Variants in ZMYND11 observed in about 807,000 individuals in gnomAD.
ZMYND11 encodes the protein zinc finger MYND domain-containing protein 11.
A neutral mutation model predicts 84.9 loss-of-function variants in ZMYND11; 9 were observed. The observed-to-expected ratio is 0.11, with a 90% confidence interval of 0.06 to 0.18. The LOEUF is 0.18. ZMYND11 is among the 10% of genes least tolerant of loss of function. The pLI is 1.00. For synonymous variants in ZMYND11, 250 were observed against 244.1 expected (o/e 1.02, Z -0.23); for missense variants, 409 against 761.0 (o/e 0.54, Z 5.44).
Position 187,550 on chromosome 10 carries a change from G to C in ZMYND11, c.116+7422G>C, listed in dbSNP as rs548047216. Among the ~76,000 whole-genome samples, 11 of 152,072 alleles carry C rather than the reference G, an allele frequency of 7.2e-5. No homozygotes were observed. In the East Asian group the frequency reaches 7.8e-4, roughly 11 times the overall value. On this transcript the variant is annotated intron_variant, in intron 2 of 14. Coordinates refer to ENST00000381604, the MANE Select transcript of ZMYND11 (RefSeq NM_001370100.5). ...TCGGGAGGCTGAGGCAGGAGAATGG[G>C]GTGAACCCGGGAGGCGGAGCTTGCA...
upstream of ZMYND11, among the ~76,000 whole-genome samples, chr10:133,035 C>T (rs1835356537): frequency 6.6e-6 from 1 of 152,168 alleles, no homozygotes; most frequent in Non-Finnish European, 1.5e-5. Flanking sequence ...CCTTTGGTCC[C>T]CAGACCCACA....
At chr10:158,984 GTTTTTTGTTT>G (rs1358321595) in intron 1 of ZMYND11, among the ~76,000 whole-genome samples, 2 of 40,024 alleles carry the variant, frequency 5.0e-5, no homozygotes, top group East Asian at 2.0e-3. Flanking sequence ...AGGGTTTTTT[GTTTTTTGTTT>G]TTTTTTTTTT....
chr10:229,626 C>A (rs1448268334), intron 4 of ZMYND11, among the ~76,000 whole-genome samples: 2 of 152,036 alleles, frequency 1.3e-5, no homozygotes, highest in Non-Finnish European at 2.9e-5. Context: ...TTCTTCAGGT[C>A]TAATAGGTAG....
At chr10:190,006 A>T (rs914781265) in intron 2 of ZMYND11, among the ~76,000 whole-genome samples, 10 of 152,214 alleles carry the variant, frequency 6.6e-5, no homozygotes, top group Non-Finnish European at 1.0e-4. Flanking sequence ...AAAGTGGATA[A>T]AAAGGCAGAA....
intron 2 of ZMYND11, chr10:197,922 C>A: frequency 3.3e-6 from 2 of 610,968 alleles, no homozygotes; most frequent in Admixed American, 2.8e-5. Flanking sequence ...TGTGAAACAA[C>A]TACATTATTC....
chr10:158,984 G>GTTCTTTTT (rs1842333816), intron 1 of ZMYND11, among the ~76,000 whole-genome samples: 1 of 40,024 alleles, frequency 2.5e-5, no homozygotes, highest in Non-Finnish European at 5.2e-5. Flanking sequence ...AGGGTTTTTT[G>GTTCTTTTT]TTTTTTGTTT....
chr10:252,692 T>G lies in ZMYND11; in HGVS notation c.*222T>G, dbSNP rs900609508. On this transcript the variant is annotated 3_prime_UTR_variant, in exon 15 of 15. Coordinates refer to ENST00000381604, the MANE Select transcript of ZMYND11 (RefSeq NM_001370100.5). This position sits in a 1 kb window ranked among gnomAD's most constrained non-coding sequence, Gnocchi z 4.6. ...CATCAGTGGAGGGTATTATTTTAAA[T>G]AAATTTTAATTGAGAATTTGTTGCA... The G allele has an allele frequency of 5.1e-6, 2 of 391,218 alleles. No homozygotes were observed. The highest frequency in any genetic ancestry group is 4.2e-5 in the African/African-American group (2 of 48,014). 24.2% of individuals were successfully genotyped at this position (391,218 alleles called of 1,614,324 possible).
At chr10:247,687 T>C (rs913180724) in intron 12 of ZMYND11, among the ~76,000 whole-genome samples, 1 of 152,204 alleles carries the variant, frequency 6.6e-6, no homozygotes, top group African/African-American at 2.4e-5. Context: ...CAAGTCTCCA[T>C]CTTAATTAAG....
intron 1 of ZMYND11, among the ~76,000 whole-genome samples, chr10:138,113 T>G (rs931393821): frequency 6.0e-5 from 9 of 150,518 alleles, no homozygotes; most frequent in Non-Finnish European, 7.4e-5. Flanking sequence ...TGTTGGCGTT[T>G]TTTTTTTTTT....
intron 2 of ZMYND11, among the ~76,000 whole-genome samples, chr10:191,171 A>G (rs935049197): frequency 6.6e-6 from 1 of 152,308 alleles, no homozygotes; most frequent in South Asian, 2.1e-4. Context: ...TTTTCACAAC[A>G]ACTGTGTGAG....
In ZMYND11 at chr10:205,008, C is replaced by G. The variant is rs577986273; in HGVS notation, c.117-4881C>G. Among the ~76,000 whole-genome samples, 8 of 151,980 alleles carry G rather than the reference C, an allele frequency of 5.3e-5. No individual in the cohort carries two copies. In the South Asian group the frequency reaches 1.5e-3, roughly 28 times the overall value. ...TTTTCTTACCATTACATGCTAGATT[C>G]CTTGCTTTCCTATGATTGTGCACTG... On this transcript the variant is annotated intron_variant, in intron 2 of 14. Coordinates refer to ENST00000381604, the MANE Select transcript of ZMYND11 (RefSeq NM_001370100.5).
At position 254,386 on chromosome 10, in the gene ZMYND11, T is replaced by C. The variant is rs1252123369; in HGVS notation, c.*1916T>C. The C allele has an allele frequency of 6.6e-6, 1 of 152,588 alleles. No homozygotes were observed. The highest frequency in any genetic ancestry group is 2.4e-5 in the African/African-American group (1 of 41,424). The allele number at this position is 152,588 out of a possible 1,614,324, so 9.5% of individuals were successfully genotyped here. A position where few individuals can be genotyped will look rare whatever the true frequency, so the allele number is the denominator to read the frequency against. Reference sequence around the variant, plus strand: ...AAAAAAACAAAATTAAAAAAAGAGATTGTGGCCTGGTTTTGTAAAAGTTTT... The same window carrying C: ...AAAAAAACAAAATTAAAAAAAGAGACTGTGGCCTGGTTTTGTAAAAGTTTT... On this transcript the variant is annotated 3_prime_UTR_variant, in exon 15 of 15. Coordinates refer to ENST00000381604, the MANE Select transcript of ZMYND11 (RefSeq NM_001370100.5).
intron 1 of ZMYND11, among the ~76,000 whole-genome samples, chr10:161,559 G>A (rs76608020): frequency 0.032 from 4,927 of 152,274 alleles, 107 homozygotes; most frequent in Middle Eastern, 0.058. Context: ...TCCAATATGA[G>A]ACTATTTTGT....
chr10:134,059 G>T (rs1835413048), upstream of ZMYND11, among the ~76,000 whole-genome samples: 1 of 152,084 alleles, frequency 6.6e-6, no homozygotes. Context: ...GTGGGGACAC[G>T]TGCCAAGACG....
intron 11 of ZMYND11, 121 bp downstream of exon 11, chr10:247,094 T>TAAAGTGCTCTGC (rs893459718): frequency 9.1e-7 from 1 of 1,094,730 alleles, no homozygotes; most frequent in African/African-American, 1.6e-5. Flanking sequence ...TTTACATTTG[T>TAAAGTGCTCTGC]AAAGTGCTCT....
chr10:166,650 A>G (rs1844087752), intron 1 of ZMYND11, among the ~76,000 whole-genome samples: 1 of 152,144 alleles, frequency 6.6e-6, no homozygotes, highest in African/African-American at 2.4e-5. Flanking sequence ...TTGGGATTGT[A>G]AAATGGTGCA....
At chr10:187,829 C>G (rs1406987263) in intron 2 of ZMYND11, among the ~76,000 whole-genome samples, 2 of 152,174 alleles carry the variant, frequency 1.3e-5, no homozygotes, top group Admixed American at 1.3e-4. Flanking sequence ...ATATGAAATT[C>G]TATGGATGAC....
chr10:167,467 A>C (rs1554764236), intron 1 of ZMYND11, among the ~76,000 whole-genome samples: 1 of 152,154 alleles, frequency 6.6e-6, no homozygotes, highest in Non-Finnish European at 1.5e-5. Flanking sequence ...AGTATAACTA[A>C]AAAAGTAATT....
At chr10:153,182 T>C (rs1157580750) in intron 1 of ZMYND11, among the ~76,000 whole-genome samples, 1 of 152,214 alleles carries the variant, frequency 6.6e-6, no homozygotes, top group Non-Finnish European at 1.5e-5. Flanking sequence ...GCTATTTTTA[T>C]CAGATATGAA....
Sources: allele counts gnomAD v4.1 joint callset (sites outside exome capture counted in the v4.1 genomes callset), GRCh38; gene constraint gnomAD v4.1.1; non-coding constraint Gnocchi (gnomAD v3.1); transcripts MANE v1.5; gene names NCBI Gene and HGNC (gene_info 2026-07-23, HGNC 2026-07-21).